The following NDUFAF6 variants were observed in gnomAD, a reference collection of about 807,000 sequenced individuals.
NDUFAF6 encodes NADH dehydrogenase (ubiquinone) complex I, assembly factor 6.
A neutral mutation model predicts 40.8 loss-of-function variants in NDUFAF6; 45 were observed. The ratio of observed to expected loss-of-function variants is 1.10; its 90% CI spans 0.87 to 1.42. The LOEUF (loss-of-function observed/expected upper bound fraction) is 1.42. Ranked by LOEUF, NDUFAF6 falls within the 40% of genes most tolerant of loss-of-function variation. The pLI, the probability that NDUFAF6 is intolerant of heterozygous loss-of-function variation, is 0.00. For synonymous variants in NDUFAF6, 185 were observed against 155.9 expected (o/e 1.19, Z -1.39); for missense variants, 435 against 418.5 (o/e 1.04, Z -0.34).
At chr8:95,106,013 T>C (rs775841221), downstream of NDUFAF6, among the ~76,000 whole-genome samples, 34 of 151,544 alleles carry the variant, frequency 2.2e-4, no homozygotes, top group Non-Finnish European at 4.4e-4. Flanking sequence ...CGGTGGCTCA[T>C]GCCTGTAATC....
intron 1 of NDUFAF6, among the ~76,000 whole-genome samples, chr8:94,907,297 T>G (rs1586609078): frequency 6.6e-6 from 1 of 152,234 alleles, no homozygotes; most frequent in East Asian, 1.9e-4. Flanking sequence ...AGCAAGGACC[T>G]TGCACAGTGC....
At chr8:94,915,385 G>T (rs1462296871) in intron 1 of NDUFAF6, among the ~76,000 whole-genome samples, 1 of 152,178 alleles carries the variant, frequency 6.6e-6, no homozygotes, top group Non-Finnish European at 1.5e-5. Flanking sequence ...CCATGTGGCT[G>T]CAAAGAACGT....
chr8:94,966,235 G>A (rs984847601), intron 1 of NDUFAF6, among the ~76,000 whole-genome samples: 2 of 152,138 alleles, frequency 1.3e-5, no homozygotes, highest in East Asian at 1.9e-4. Context: ...AGACAGGGAC[G>A]GACCCTGGGG....
intron 1 of NDUFAF6, among the ~76,000 whole-genome samples, chr8:94,978,010 A>G (rs2131565044): frequency 6.6e-6 from 1 of 151,906 alleles, no homozygotes; most frequent in South Asian, 2.1e-4. Flanking sequence ...TTGGTCTTGG[A>G]CTCTGGTTCC....
chr8:94,941,013 G>T, intron 1 of NDUFAF6: 2 of 1,156,922 alleles, frequency 1.7e-6, no homozygotes, highest in Non-Finnish European at 2.6e-6. Flanking sequence ...TCTTTAGTTG[G>T]CCCAATGGTA....
intron 3 of NDUFAF6, 134 bp downstream of exon 3, chr8:95,035,710 C>A: frequency 1.2e-6 from 1 of 855,292 alleles, no homozygotes. Context: ...GTATTCAGAG[C>A]TGTTATAGTT....
At chr8:94,960,325 A>G (rs1460620471) in intron 1 of NDUFAF6, among the ~76,000 whole-genome samples, 1 of 152,230 alleles carries the variant, frequency 6.6e-6, no homozygotes, top group East Asian at 1.9e-4. Context: ...CAACCTCAGT[A>G]CGACTCTGCT....
chr8:95,065,200 T>C (rs1188720154), intron 9 of NDUFAF6, among the ~76,000 whole-genome samples: 4 of 152,164 alleles, frequency 2.6e-5, no homozygotes, highest in African/African-American at 4.8e-5. Context: ...AATTTATAGA[T>C]GTTTGGTCAG....
chr8:95,096,400 TCCA>T (rs981905769), upstream of NDUFAF6, among the ~76,000 whole-genome samples: 1 of 152,162 alleles, frequency 6.6e-6, no homozygotes, highest in African/African-American at 2.4e-5. Context: ...TGGCCAGGAC[TCCA>T]CAAGTCCAGA....
downstream of NDUFAF6, chr8:95,058,785 A>C: frequency 1.0e-6 from 1 of 986,346 alleles, no homozygotes; most frequent in Non-Finnish European, 1.2e-6. Flanking sequence ...CAGTGTTCTC[A>C]TTTGGTTTTC....
chr8:94,963,462 T>C (rs185378697), intron 1 of NDUFAF6, among the ~76,000 whole-genome samples: 182 of 152,190 alleles, frequency 1.2e-3, no homozygotes, highest in African/African-American at 4.1e-3. Flanking sequence ...CAGGGAATGA[T>C]CCCAGGAGAT....
chr8:94,976,153 C>T (rs6984240), intron 1 of NDUFAF6, among the ~76,000 whole-genome samples: 73,507 of 145,012 alleles, frequency 0.51, 18,866 homozygotes, highest in East Asian at 0.73. Flanking sequence ...GAGCCGAGAT[C>T]GTGCCACTGC....
chr8:94,902,851 A>G (rs1294869544), intron 1 of NDUFAF6, among the ~76,000 whole-genome samples: 1 of 151,332 alleles, frequency 6.6e-6, no homozygotes, highest in Non-Finnish European at 1.5e-5. Context: ...GCCCACCACC[A>G]CGCCCAGCTA....
downstream of NDUFAF6, among the ~76,000 whole-genome samples, chr8:95,077,016 C>T (rs535748089): frequency 2.6e-5 from 4 of 152,104 alleles, no homozygotes; most frequent in Non-Finnish European, 5.9e-5. Context: ...GGGCCCTAAT[C>T]CACTATAACT....
At chr8:94,970,299 C>T (rs1824363876) in intron 1 of NDUFAF6, among the ~76,000 whole-genome samples, 3 of 147,754 alleles carry the variant, frequency 2.0e-5, no homozygotes, top group East Asian at 2.0e-4. Flanking sequence ...CATAAAATGA[C>T]GTGTTTTCAA....
At chr8:95,086,899 C>G (rs1478007202) in intron 2 of NDUFAF6, among the ~76,000 whole-genome samples, 6 of 152,086 alleles carry the variant, frequency 3.9e-5, no homozygotes, top group South Asian at 4.1e-4. Flanking sequence ...CACCGCGCCC[C>G]GGCCCCTCTT....
chr8:95,001,298 G>A (rs983076388), intron 2 of NDUFAF6, among the ~76,000 whole-genome samples: 8 of 151,930 alleles, frequency 5.3e-5, no homozygotes, highest in East Asian at 3.9e-4. Flanking sequence ...TATTTTATTC[G>A]AATAGAAGGA....
Position 95,058,344 on chromosome 8 carries a change from C to T in NDUFAF6, c.*407C>T, listed in dbSNP as rs1832444180. 8.0e-7 allele frequency: 1 copy of T among 1,243,378 alleles called. No individual in the cohort carries two copies. Among genetic ancestry groups the T allele is most frequent in the Non-Finnish European group, 1.0e-6 (1 of 994,892 alleles). The allele number at this position is 1,243,378 out of a possible 1,614,324, so 77.0% of individuals were successfully genotyped here. A position where few individuals can be genotyped will look rare whatever the true frequency, so the allele number is the denominator to read the frequency against. ...GGCTTACATGCTGAGCAGCTATAAC[C>T]TAGGTGTTCAGAACACCTGGAAGAT... is the stretch of plus-strand genomic sequence containing the variant. On this transcript the variant is annotated 3_prime_UTR_variant, in exon 9 of 9. Transcript: ENST00000396124.
chr8:95,102,393 T>C (rs1338020887), intron 2 of NDUFAF6, among the ~76,000 whole-genome samples: 8 of 152,132 alleles, frequency 5.3e-5, no homozygotes, highest in Admixed American at 5.2e-4. Flanking sequence ...GAATAGCAGA[T>C]TTAAGGAGTA....
Sources: allele counts gnomAD v4.1 joint callset (sites outside exome capture counted in the v4.1 genomes callset), GRCh38; gene constraint gnomAD v4.1.1; transcripts MANE v1.5; gene names NCBI Gene and HGNC (gene_info 2026-07-23, HGNC 2026-07-21).